PDE7A: variants seen among roughly 807,000 people sequenced by gnomAD.
PDE7A encodes high affinity 3',5'-cyclic-AMP phosphodiesterase 7A.
A neutral mutation model predicts 64.3 loss-of-function variants in PDE7A; 39 were observed. The ratio of observed to expected loss-of-function variants is 0.61; its 90% CI spans 0.47 to 0.79. PDE7A has a LOEUF of 0.79. Among genes scored for constraint, PDE7A ranks in the 30% least tolerant of loss-of-function variants. PDE7A has a pLI of 0.00. For missense variants in PDE7A, 470 were observed against 582.8 expected (o/e 0.81, Z 1.99); for synonymous variants, 203 against 206.8 (o/e 0.98, Z 0.16).
At chr8:65,803,523 G>A (rs1214964949) in intron 1 of PDE7A, among the ~76,000 whole-genome samples, 1 of 152,190 alleles carries the variant, frequency 6.6e-6, no homozygotes, top group African/African-American at 2.4e-5. Flanking sequence ...GTGTTTGACA[G>A]TCTAAATCAC....
intron 1 of PDE7A, among the ~76,000 whole-genome samples, chr8:65,810,940 G>T (rs920397996): frequency 6.6e-6 from 1 of 152,048 alleles, no homozygotes; most frequent in Admixed American, 6.5e-5. Context: ...ATTATAGTTT[G>T]CCCACATACA....
intron 2 of PDE7A, among the ~76,000 whole-genome samples, chr8:65,781,952 TA>T (rs764290304): frequency 6.1e-4 from 93 of 151,956 alleles, no homozygotes; most frequent in Non-Finnish European, 1.1e-3. Context: ...ACACACAAGA[TA>T]AAATAAAGAG....
intron 2 of PDE7A, 42 bp from the exon 3 acceptor site, chr8:65,779,845 C>T: frequency 7.6e-7 from 1 of 1,307,558 alleles, no homozygotes; most frequent in Non-Finnish European, 1.1e-6. Context: ...AGAAGGTTGT[C>T]ATTCGGGAAG....
At chr8:65,815,824 A>G (rs1396239727) in intron 1 of PDE7A, among the ~76,000 whole-genome samples, 1 of 152,218 alleles carries the variant, frequency 6.6e-6, no homozygotes, top group Non-Finnish European at 1.5e-5. Context: ...TTTTACTGTC[A>G]TATCACAGAA....
At chr8:65,763,292 C>T (rs567771994) in intron 3 of PDE7A, among the ~76,000 whole-genome samples, 3 of 152,086 alleles carry the variant, frequency 2.0e-5, no homozygotes, top group South Asian at 2.1e-4. Flanking sequence ...AGGTTACATA[C>T]GGTGGCTCAC....
intron 1 of PDE7A, among the ~76,000 whole-genome samples, chr8:65,817,054 T>C (rs899510605): frequency 6.6e-6 from 1 of 152,230 alleles, no homozygotes; most frequent in Non-Finnish European, 1.5e-5. Flanking sequence ...TGGTCTGTTG[T>C]TCATGGATTC....
intron 1 of PDE7A, among the ~76,000 whole-genome samples, chr8:65,799,027 G>A (rs1809926196): frequency 6.6e-6 from 1 of 152,094 alleles, no homozygotes; most frequent in Non-Finnish European, 1.5e-5. Flanking sequence ...TTTATATGAA[G>A]TTCTAACAGG....
At chr8:65,735,117 C>T (rs375518429) in intron 6 of PDE7A, among the ~76,000 whole-genome samples, 4 of 152,242 alleles carry the variant, frequency 2.6e-5, no homozygotes, top group Non-Finnish European at 2.9e-5. Context: ...GACTAGGCTT[C>T]GGGGTGGAGC....
chr8:65,768,506 G>A (rs1008335267), intron 3 of PDE7A, among the ~76,000 whole-genome samples: 27 of 152,168 alleles, frequency 1.8e-4, no homozygotes, highest in South Asian at 1.2e-3. Flanking sequence ...TTTCACCTTC[G>A]GCCGTAATTG....
At chr8:65,841,132 G>A (rs548640312) in intron 1 of PDE7A, among the ~76,000 whole-genome samples, 1 of 152,230 alleles carries the variant, frequency 6.6e-6, no homozygotes, top group Admixed American at 6.5e-5. Flanking sequence ...ACGAGCCTGG[G>A]GAGGGTCTGA....
chr8:65,769,084 C>T (rs538943723), intron 3 of PDE7A, among the ~76,000 whole-genome samples: 11 of 151,850 alleles, frequency 7.2e-5, no homozygotes, highest in African/African-American at 2.7e-4. Context: ...CCCGTCTCTA[C>T]TAAAAATACA....
In PDE7A at chr8:65,768,974, G is replaced by A. The variant is rs556568478; in HGVS notation, c.283+10746C>T. Among the ~76,000 whole-genome samples, 13 of 152,230 alleles carry A rather than the reference G, an allele frequency of 8.5e-5. No homozygotes were observed. The East Asian group carries it at 9.6e-4, about 11-fold the overall frequency. On this transcript the variant is annotated intron_variant, in intron 3 of 12. Transcript: ENST00000401827. ...CTAAAAGTAACAGACATGGCCAGGC[G>A]AGGTGGCTCACACCTGTAATCCCAG...
chr8:65,827,018 G>C (rs1195365384), intron 1 of PDE7A, among the ~76,000 whole-genome samples: 3 of 152,142 alleles, frequency 2.0e-5, no homozygotes. Context: ...TCGAGGGTCT[G>C]TCTTAATCCC....
intron 1 of PDE7A, among the ~76,000 whole-genome samples, chr8:65,815,150 A>T (rs1810366876): frequency 6.6e-6 from 1 of 152,182 alleles, no homozygotes; most frequent in African/African-American, 2.4e-5. Context: ...AATATTTATA[A>T]TGTATTCACA....
chr8:65,841,343 C>G (rs753687771), intron 1 of PDE7A, 28 bp downstream of exon 1: 5 of 1,507,190 alleles, frequency 3.3e-6, no homozygotes, highest in Non-Finnish European at 3.5e-6. Flanking sequence ...GAGAAGCCCT[C>G]AAGTGTGGGC....
intron 3 of PDE7A, among the ~76,000 whole-genome samples, chr8:65,765,349 C>T (rs1423502096): frequency 1.3e-5 from 2 of 150,292 alleles, no homozygotes; most frequent in African/African-American, 2.4e-5. Context: ...ATTAGCCGGG[C>T]GTAGTGGCGG....
At chr8:65,748,790 T>C (rs558912459) in intron 3 of PDE7A, among the ~76,000 whole-genome samples, 1 of 152,218 alleles carries the variant, frequency 6.6e-6, no homozygotes, top group South Asian at 2.1e-4. Context: ...ATTTAAGGGG[T>C]GCTGGATTAA....
chr8:65,841,475 G>A lies in PDE7A; in HGVS notation c.34C>T (p.Leu12=), dbSNP rs1201372309. The change falls in exon 1 of 13, where the codon CTG becomes TTG. Residue 12 remains leucine, a synonymous_variant. Coordinates refer to ENST00000401827, the MANE Select transcript of PDE7A (RefSeq NM_001242318.3). ...ACGTGCTGGGGGACCGGCCTGTCCA[G>A]GGGCAGTACCGGCAGCTGGTAACAC... ...EVCYQLPVLP[L]DRPVPQHVLS... is the part of the protein sequence containing the mutation. 6.4e-7 allele frequency: 1 copy of A among 1,553,626 alleles called. No homozygotes were observed. Among genetic ancestry groups the A allele is most frequent in the Non-Finnish European group, 8.6e-7 (1 of 1,156,084 alleles).
chr8:65,813,702 G>T (rs80108217), intron 1 of PDE7A, among the ~76,000 whole-genome samples: 9,575 of 152,178 alleles, frequency 0.063, 381 homozygotes, highest in Middle Eastern at 0.11. Flanking sequence ...ATAATAGCAC[G>T]ATTGGATATC....
Sources: allele counts gnomAD v4.1 joint callset (sites outside exome capture counted in the v4.1 genomes callset), GRCh38; gene constraint gnomAD v4.1.1; transcripts MANE v1.5; gene names NCBI Gene and HGNC (gene_info 2026-07-23, HGNC 2026-07-21).